The following STIM1 variants were observed in gnomAD, a reference collection of about 807,000 sequenced individuals.
The protein encoded by STIM1 is stromal interaction molecule 1.
A neutral mutation model predicts 74.7 loss-of-function variants in STIM1; 25 were observed. The observed-to-expected ratio is 0.33, with a 90% confidence interval of 0.24 to 0.47. STIM1 has a LOEUF of 0.47. STIM1 is among the 20% of genes least tolerant of loss of function. The pLI is 1.00. For synonymous variants in STIM1, 328 were observed against 348.8 expected, an observed-to-expected ratio of 0.94 and a Z score of 0.66; for missense variants, 728 against 920.8, an observed-to-expected ratio of 0.79 and a Z score of 2.71.
At chr11:3,976,607 G>T (rs913210457) in intron 2 of STIM1, among the ~76,000 whole-genome samples, 18 of 152,096 alleles carry the variant, frequency 1.2e-4, no homozygotes, top group Non-Finnish European at 1.2e-4. Context: ...GTGAATACTC[G>T]CTACTTTCCC....
chr11:3,856,048 G>A lies in STIM1; in HGVS notation c.-223G>A. On this transcript the variant is annotated 5_prime_UTR_variant, in exon 1 of 13. Transcript: ENST00000526596. ...GAGCTCAGGCCGCCGCAGCCCCGGC[G>A]GACCCACTGTTGGACCTGAGGAGCC... The A allele has an allele frequency of 1.7e-6, 1 of 579,338 alleles. No homozygotes were observed. Among genetic ancestry groups the A allele is most frequent in the Non-Finnish European group, 3.1e-6 (1 of 325,104 alleles). The allele number at this position is 579,338 out of a possible 1,614,324, so 35.9% of individuals were successfully genotyped here.
chr11:4,003,582 C>T (rs1390655477), intron 2 of STIM1, among the ~76,000 whole-genome samples: 21 of 151,926 alleles, frequency 1.4e-4, no homozygotes, highest in African/African-American at 2.9e-4. Flanking sequence ...ATTGATGGGA[C>T]GTATCTCAAA....
intron 1 of STIM1, among the ~76,000 whole-genome samples, chr11:3,875,560 T>C (rs2091280631): frequency 6.6e-6 from 1 of 151,800 alleles, no homozygotes; most frequent in African/African-American, 2.4e-5. Flanking sequence ...ACCCTGTCTC[T>C]ACAAAAAATA....
intron 1 of STIM1, among the ~76,000 whole-genome samples, chr11:3,858,572 G>T (rs1353551263): frequency 3.3e-5 from 5 of 152,152 alleles, no homozygotes; most frequent in African/African-American, 1.2e-4. Context: ...CTCAGTCAGG[G>T]ACTTGTTTTT....
In STIM1 at chr11:4,092,141, T is replaced by C; in HGVS notation, c.*343T>C. On this transcript the variant is annotated 3_prime_UTR_variant, in exon 13 of 13. Transcript: ENST00000526596. ...TGCTGTCCCAGTTTTGAGGTTTGGT[T>C]TCTTGTTTCTGTCTCTTGCTTTCGG... is the stretch of plus-strand genomic sequence containing the variant. The C allele has an allele frequency of 2.7e-6, 1 of 376,050 alleles. No individual in the cohort carries two copies. The highest frequency in any genetic ancestry group is 5.0e-6 in the Non-Finnish European group (1 of 198,476). The allele number at this position is 376,050 out of a possible 1,614,324, so 23.3% of individuals were successfully genotyped here. A position where few individuals can be genotyped will look rare whatever the true frequency, so the allele number is the denominator to read the frequency against.
intron 5 of STIM1, among the ~76,000 whole-genome samples, chr11:4,067,947 G>A (rs556746917): frequency 1.7e-4 from 26 of 152,220 alleles, no homozygotes; most frequent in Non-Finnish European, 2.8e-4. Context: ...TAAATCAACC[G>A]TGTTAGAATC....
intron 1 of STIM1, among the ~76,000 whole-genome samples, chr11:3,856,819 A>G (rs2090391009): frequency 6.6e-6 from 1 of 152,134 alleles, no homozygotes; most frequent in African/African-American, 2.4e-5. Flanking sequence ...TGGAAAGGGA[A>G]AGTTAAGGCT....
chr11:4,082,138 G>A (rs778252109), intron 7 of STIM1, 46 bp from the exon 8 acceptor site: 3 of 1,599,896 alleles, frequency 1.9e-6, no homozygotes, highest in South Asian at 1.1e-5. Flanking sequence ...AGATGTTGGA[G>A]AGTCTTAGTA....
chr11:3,985,484 A>C (rs2093550036), intron 2 of STIM1, among the ~76,000 whole-genome samples: 1 of 152,202 alleles, frequency 6.6e-6, no homozygotes, highest in South Asian at 2.1e-4. Flanking sequence ...AAGAAAGCCC[A>C]TAAATGAGGT....
intron 1 of STIM1, among the ~76,000 whole-genome samples, chr11:3,925,926 C>T (rs1371692253): frequency 6.6e-6 from 1 of 152,072 alleles, no homozygotes; most frequent in African/African-American, 2.4e-5. Context: ...TAAATCCATA[C>T]AGTATTCTAA....
chr11:3,918,189 A>G (rs1489693784), intron 1 of STIM1, among the ~76,000 whole-genome samples: 1 of 152,148 alleles, frequency 6.6e-6, no homozygotes, highest in Admixed American at 6.5e-5. Flanking sequence ...AAAGAAAGAT[A>G]TCAGATTTGG....
chr11:4,044,028 A>C (rs2094170884), intron 3 of STIM1, among the ~76,000 whole-genome samples: 1 of 152,056 alleles, frequency 6.6e-6, no homozygotes, highest in Non-Finnish European at 1.5e-5. Context: ...AAAAGAAAAA[A>C]AAGATAGGAG....
intron 3 of STIM1, among the ~76,000 whole-genome samples, chr11:4,024,500 C>G (rs1312494148): frequency 6.6e-6 from 1 of 152,184 alleles, no homozygotes; most frequent in East Asian, 1.9e-4. Flanking sequence ...TTAAGTAGCC[C>G]TACTTCTTGA....
intron 1 of STIM1, among the ~76,000 whole-genome samples, chr11:3,936,944 A>C (rs2092939220): frequency 6.6e-6 from 1 of 152,184 alleles, no homozygotes; most frequent in Non-Finnish European, 1.5e-5. Flanking sequence ...AAGTACAGTG[A>C]ATATGACATA....
chr11:3,898,111 CTAGTT>C (rs1272212879), intron 1 of STIM1, among the ~76,000 whole-genome samples: 1 of 152,060 alleles, frequency 6.6e-6, no homozygotes, highest in African/African-American at 2.4e-5. Flanking sequence ...AATGGTTGAA[CTAGTT>C]TATAGTCCCA....
At chr11:3,915,588 G>T (rs769913486) in intron 1 of STIM1, among the ~76,000 whole-genome samples, 1 of 151,836 alleles carries the variant, frequency 6.6e-6, no homozygotes, top group Non-Finnish European at 1.5e-5. Context: ...TAGTAGAGAC[G>T]GGGTTTCACG....
At position 4,092,075 on chromosome 11, in the gene STIM1, C is replaced by G. The variant is rs893891337; in HGVS notation, c.*277C>G. The G allele has an allele frequency of 2.0e-6, 1 of 508,942 alleles. No individual in the cohort carries two copies. The highest frequency in any genetic ancestry group is 3.5e-5 in the East Asian group (1 of 28,570). 31.5% of individuals were successfully genotyped at this position (508,942 alleles called of 1,614,324 possible). On this transcript the variant is annotated 3_prime_UTR_variant, in exon 13 of 13. Transcript: ENST00000526596. ...CAGTGCATGTCTTAGTTGCTGTTCC[C>G]TCAGCTCCCAGCTCCACCTCTGGGG...
chr11:4,025,420 G>C (rs963662230), intron 3 of STIM1, among the ~76,000 whole-genome samples: 1 of 152,144 alleles, frequency 6.6e-6, no homozygotes, highest in Non-Finnish European at 1.5e-5. Flanking sequence ...AGTTCCTTCT[G>C]GGGGCTTTTC....
chr11:3,889,962 C>T (rs2091845987), intron 1 of STIM1, among the ~76,000 whole-genome samples: 2 of 152,130 alleles, frequency 1.3e-5, no homozygotes, highest in African/African-American at 2.4e-5. Context: ...GTGAGAGGTA[C>T]ATTGGGCAGG....
Sources: allele counts gnomAD v4.1 joint callset (sites outside exome capture counted in the v4.1 genomes callset), GRCh38; gene constraint gnomAD v4.1.1; transcripts MANE v1.5; gene names NCBI Gene and HGNC (gene_info 2026-07-23, HGNC 2026-07-21).